The following ALDH5A1 variants were observed in gnomAD, a reference collection of about 807,000 sequenced individuals.
ALDH5A1 encodes the protein succinate-semialdehyde dehydrogenase, mitochondrial.
ALDH5A1 carries 33 observed loss-of-function variants against 54.7 expected under a neutral mutation model. The ratio of observed to expected loss-of-function variants is 0.60; its 90% CI spans 0.46 to 0.81. The LOEUF (loss-of-function observed/expected upper bound fraction) is 0.81, where lower values mean the gene tolerates loss of function less well. Ranked by LOEUF, ALDH5A1 falls within the 30% of genes least tolerant of loss-of-function variation. ALDH5A1 has a pLI of 0.00. For synonymous variants in ALDH5A1, 294 were observed against 292.7 expected (o/e 1.00, Z -0.05); for missense variants, 657 against 711.0 (o/e 0.92, Z 0.86).
intron 8 of ALDH5A1, among the ~76,000 whole-genome samples, chr6:24,530,516 G>A (rs1421888253): frequency 6.6e-6 from 1 of 152,154 alleles, no homozygotes; most frequent in African/African-American, 2.4e-5. Context: ...GCCTTGGCTT[G>A]TAATATCTCC....
At chr6:24,499,559 AT>A (rs11315270) in intron 1 of ALDH5A1, among the ~76,000 whole-genome samples, 49,828 of 151,458 alleles carry the variant, frequency 0.33, 8,535 homozygotes, top group African/African-American at 0.39. Context: ...TGATGCTATC[AT>A]TGGCTCACTG....
Position 24,497,174 on chromosome 6 carries a change from G to T in ALDH5A1, c.354+1824G>T, listed in dbSNP as rs191793414. Among the ~76,000 whole-genome samples the T allele has an allele frequency of 6.0e-3, 902 of 151,232 alleles. 38 individuals are homozygous for T. Among genetic ancestry groups the T allele is most frequent in the Non-Finnish European group, 1.4e-3 (92 of 68,006 alleles). On this transcript the variant is annotated intron_variant, in intron 1 of 9. Coordinates refer to ENST00000357578, the MANE Select transcript of ALDH5A1 (RefSeq NM_001080.3). The stretch of plus-strand genomic sequence containing the variant: ...CCACAGCGCGGAAGGGGACCCGAGT[G>T]GGTTGTCGCTGCTGGGTGGGTGGGG...
intron 3 of ALDH5A1, among the ~76,000 whole-genome samples, 174 bp downstream of exon 3, chr6:24,503,607 G>C (rs975657445): frequency 6.6e-6 from 1 of 152,196 alleles, no homozygotes; most frequent in Non-Finnish European, 1.5e-5. Flanking sequence ...CTGTGATGAT[G>C]TTAGGTGTGG....
Position 24,509,425 on chromosome 6 carries a change from T to A in ALDH5A1, c.726+4440T>A, listed in dbSNP as rs879618142. 6.6e-6 allele frequency among the ~76,000 whole-genome samples: 1 copy of A among 152,246 alleles called. No individual in the cohort carries two copies. The highest frequency in any genetic ancestry group is 1.5e-5 in the Non-Finnish European group (1 of 68,026). On this transcript the variant is annotated intron_variant, in intron 4 of 9. Coordinates refer to ENST00000357578, the MANE Select transcript of ALDH5A1 (RefSeq NM_001080.3). This position sits in a 1 kb window ranked among gnomAD's most constrained non-coding sequence, Gnocchi z 4.7. The stretch of plus-strand genomic sequence containing the variant: ...GTGTCAATAGGATTGATACCAATTC[T>A]TCTTTGAATGTCTGGTAGAATTCTG...
At position 24,521,857 on chromosome 6, in the gene ALDH5A1, AT is replaced by A. The variant is rs71542679; in HGVS notation, c.1015-885del. On this transcript the variant is annotated intron_variant, in intron 6 of 9. Coordinates refer to ENST00000357578, the MANE Select transcript of ALDH5A1 (RefSeq NM_001080.3). ...AACAGAGTGAGACTCTGTCTCTACA[AT>A]TTTTTTTTTTTTTTTTTTTTTTTTG... is the stretch of plus-strand genomic sequence containing the variant. 5.5e-3 allele frequency among the ~76,000 whole-genome samples: 537 copies of A among 98,184 alleles called. 1 individual carries two copies. The highest frequency in any genetic ancestry group is 0.021 in the Middle Eastern group (3 of 142). The allele number at this position is 98,184 out of a possible 152,430, so 64.4% of individuals were successfully genotyped here.
rs1217986817 is a variant in ALDH5A1, at chr6:24,528,030, G to C, written c.1207G>C (p.Gly403Arg). 6.2e-7 allele frequency: 1 copy of C among 1,614,070 alleles called. No homozygotes were observed. The highest frequency in any genetic ancestry group is 8.5e-7 in the Non-Finnish European group (1 of 1,179,976). The change falls in exon 8 of 10, where the codon GGT (glycine) becomes CGT (arginine). Residue 403 changes from glycine (G) to arginine (R), a missense_variant. Physicochemically the swap from Gly to Arg is moderately radical, Grantham distance 125 (BLOSUM62 -2). Around this residue, in one of 2 missense-constraint regions of ALDH5A1, gnomAD observed 425 missense variants for 516.4 expected, o/e 0.82. Transcript: ENST00000357578. ...ACAGGTGAATGATGCCGTTTCTAAA[G>C]GTGCCACCGTTGTGACAGGTGGAAA... ...EKQVNDAVSK[G>R]ATVVTGGKRH... is the part of the protein sequence containing the mutation.
chr6:24,506,022 T>C (rs1759338201), intron 4 of ALDH5A1, among the ~76,000 whole-genome samples: 1 of 151,776 alleles, frequency 6.6e-6, no homozygotes, highest in Non-Finnish European at 1.5e-5. Context: ...TCCTCTGCTT[T>C]GCTTTTTCCC....
In ALDH5A1 at chr6:24,503,445, G is replaced by A; in HGVS notation, c.609+12G>A. The A allele has an allele frequency of 6.2e-7, 1 of 1,610,320 alleles. No homozygotes were observed. The highest frequency in any genetic ancestry group is 1.1e-5 in the South Asian group (1 of 91,062). ...CAGTCATCACCCCGGTAGGTGACAG[G>A]ATCAGCAAGATCCTAGGGTGGGAGA... On this transcript the variant is annotated intron_variant, in intron 3 of 9. Transcript: ENST00000357578.
At chr6:24,510,940 G>A (rs1759446802) in intron 4 of ALDH5A1, among the ~76,000 whole-genome samples, 1 of 152,138 alleles carries the variant, frequency 6.6e-6, no homozygotes, top group African/African-American at 2.4e-5. Context: ...GCTTTAAAGA[G>A]GTTCTGTTTT....
At chr6:24,508,789 T>G (rs1028578194) in intron 4 of ALDH5A1, among the ~76,000 whole-genome samples, 2 of 152,212 alleles carry the variant, frequency 1.3e-5, no homozygotes, top group Non-Finnish European at 2.9e-5. Flanking sequence ...CTATTATTTT[T>G]TAATTTTTTT....
chr6:24,528,723 A>C (rs1759869871), intron 8 of ALDH5A1, among the ~76,000 whole-genome samples: 1 of 140,800 alleles, frequency 7.1e-6, no homozygotes, highest in Admixed American at 7.3e-5. Flanking sequence ...TTTTCTTGAG[A>C]TGGAGGATGG....
chr6:24,526,888 TCTATATATATATCTA>T lies in ALDH5A1; in HGVS notation c.1174-1096_1174-1082del, dbSNP rs1759810080. Among the ~76,000 whole-genome samples, 3 of 114,076 alleles carry T rather than the reference TCTATATATATATCTA, an allele frequency of 2.6e-5. No individual in the cohort carries two copies. In the East Asian group the frequency reaches 6.3e-4, roughly 24 times the overall value. 74.8% of individuals were successfully genotyped at this position (114,076 alleles called of 152,430 possible). A position where few individuals can be genotyped will look rare whatever the true frequency, so the allele number is the denominator to read the frequency against. On this transcript the variant is annotated intron_variant, in intron 7 of 9. Transcript: ENST00000357578. Reference sequence around the variant, plus strand: ...ATATATATATCTTCTATATATATATTCTATATATATATCTACTATATATATATTCTATATATATCT... The same window carrying T: ...ATATATATATCTTCTATATATATATTCTATATATATATTCTATATATATCT...
Position 24,528,036 on chromosome 6 carries a change from A to G in ALDH5A1, c.1213A>G (p.Thr405Ala), listed in dbSNP as rs1450410231. 2 of 1,614,126 alleles carry G rather than the reference A, an allele frequency of 1.2e-6. No individual in the cohort carries two copies. Among genetic ancestry groups the G allele is most frequent in the South Asian group, 2.2e-5 (2 of 91,080 alleles). Residue 405 changes from threonine (T) to alanine (A), a missense_variant, in exon 8 of 10, where the codon ACC becomes GCC. By Grantham distance (58) the Thr-to-Ala change is moderately conservative. Around this residue, in one of 2 missense-constraint regions of ALDH5A1, gnomAD observed 425 missense variants for 516.4 expected, o/e 0.82. Transcript: ENST00000357578. ...GAATGATGCCGTTTCTAAAGGTGCC[A>G]CCGTTGTGACAGGTGGAAAACGACA... is the stretch of plus-strand genomic sequence containing the variant. ...QVNDAVSKGA[T>A]VVTGGKRHQL...
Position 24,503,314 on chromosome 6 carries a change from C to T in ALDH5A1, c.490C>T (p.Leu164=), listed in dbSNP as rs749451380. Residue 164 remains leucine, a synonymous_variant, in exon 3 of 10, where the codon CTA becomes TTA. Coordinates refer to ENST00000357578, the MANE Select transcript of ALDH5A1 (RefSeq NM_001080.3). ...HGEILYSAFF[L]EWFSEEARRV... ...AGAAATTCTCTATTCCGCCTTTTTC[C>T]TAGAGTGGTTCTCTGAGGAAGCCCG... 2.5e-6 allele frequency: 4 copies of T among 1,614,104 alleles called. No individual in the cohort carries two copies. In the East Asian group the frequency reaches 8.9e-5, roughly 36 times the overall value.
Position 24,522,874 on chromosome 6 carries a change from T to G in ALDH5A1, c.1122T>G (p.Phe374Leu), listed in dbSNP as rs895757475. 2.5e-6 allele frequency: 4 copies of G among 1,614,002 alleles called. No individual in the cohort carries two copies. The African/African-American group carries it at 5.3e-5, about 22-fold the overall frequency. Residue 374 changes from phenylalanine (F) to leucine (L), a missense_variant, in exon 7 of 10, where the codon TTT becomes TTG. Physicochemically the swap from Phe to Leu is conservative, Grantham distance 22 (BLOSUM62 0). Coordinates refer to ENST00000357578, the MANE Select transcript of ALDH5A1 (RefSeq NM_001080.3). ...AGAACCTGCGCGTAGGTAATGGATT[T>G]GAGGAAGGAACTACTCAGGGCCCAT... is the stretch of plus-strand genomic sequence containing the variant. ...MKKNLRVGNG[F>L]EEGTTQGPLI...
intron 1 of ALDH5A1, among the ~76,000 whole-genome samples, chr6:24,501,873 TTTTA>T (rs1303176350): frequency 2.7e-5 from 1 of 36,366 alleles, no homozygotes; most frequent in Non-Finnish European, 5.9e-5. Flanking sequence ...AGAACCAATG[TTTTA>T]TATATATATA....
chr6:24,494,973 C>A lies in ALDH5A1; in HGVS notation c.-24C>A. 1 of 1,305,968 alleles carries A rather than the reference C, an allele frequency of 7.7e-7. No individual in the cohort carries two copies. 80.9% of individuals were successfully genotyped at this position (1,305,968 alleles called of 1,614,324 possible). A position where few individuals can be genotyped will look rare whatever the true frequency, so the allele number is the denominator to read the frequency against. ...TGCGCGCGCGCCCGCTTGCCTGTTTCCTGTCGCCGTCGTTGCCCGGGCCAT... is the reference window on the plus strand; with the variant it reads ...TGCGCGCGCGCCCGCTTGCCTGTTTACTGTCGCCGTCGTTGCCCGGGCCAT... On this transcript the variant is annotated 5_prime_UTR_variant, in exon 1 of 10. Coordinates refer to ENST00000357578, the MANE Select transcript of ALDH5A1 (RefSeq NM_001080.3).
At chr6:24,525,411 G>T (rs1211309439) in intron 7 of ALDH5A1, among the ~76,000 whole-genome samples, 1 of 151,922 alleles carries the variant, frequency 6.6e-6, no homozygotes, top group Non-Finnish European at 1.5e-5. Flanking sequence ...AGAAAATTCA[G>T]CTGAGGGCCG....
intron 1 of ALDH5A1, among the ~76,000 whole-genome samples, chr6:24,500,574 G>A (rs1395560594): frequency 6.6e-6 from 1 of 151,908 alleles, no homozygotes; most frequent in Non-Finnish European, 1.5e-5. Context: ...TTAAAGCCAG[G>A]AGTCTGAGGT....
Sources: gnomAD v4.1 joint callset for allele counts (sites outside exome capture counted in the v4.1 genomes callset) on GRCh38, gnomAD v4.1.1 for gene constraint, gnomAD v4.1.1 regional missense constraint, Gnocchi (gnomAD v3.1) non-coding constraint, MANE v1.5 for transcripts, NCBI Gene and HGNC (gene_info 2026-07-23, HGNC 2026-07-21) for gene names.